Variants in SPG7 observed in about 807,000 individuals in gnomAD.
SPG7 encodes mitochondrial inner membrane m-AAA protease component paraplegin.
In SPG7, 103 loss-of-function variants were observed where a neutral mutation model predicts 81.9. The observed-to-expected ratio is 1.26, with a 90% CI of 1.07 to 1.48. SPG7 has a LOEUF of 1.48. Ranked by LOEUF, SPG7 falls within the 40% of genes most tolerant of loss-of-function variation. The probability of loss-of-function intolerance (pLI) is 0.00; values close to 1 mark genes in which losing one functional copy is unlikely to be tolerated. For synonymous variants in SPG7, 534 were observed against 444.2 expected, an observed-to-expected ratio of 1.20 and a Z score of -2.54; for missense variants, 1,241 against 1,087.3, an observed-to-expected ratio of 1.14 and a Z score of -1.99.
chr16:89,551,093 G>T (rs1236940879), intron 13 of SPG7: 3 of 228,756 alleles, frequency 1.3e-5, no homozygotes, highest in African/African-American at 6.7e-5. Flanking sequence ...AACTACTCTT[G>T]TAGGCAGCTG....
In SPG7 at chr16:89,530,786, G is replaced by A. The variant is rs571360149; in HGVS notation, c.965G>A (p.Arg322His). The A allele has an allele frequency of 1.5e-5, 24 of 1,614,150 alleles. No individual in the cohort carries two copies. The highest frequency in any genetic ancestry group is 1.9e-5 in the Non-Finnish European group (22 of 1,180,024). ...AGMHEAKLEVREFVDYLKSPE... is the reference protein window; with the variant it reads ...AGMHEAKLEVHEFVDYLKSPE... Reference sequence around the variant, plus strand: ...ATGCACGAAGCCAAACTGGAAGTCCGCGAGTTTGTGGATTATCTGAAGGTG... The same window carrying A: ...ATGCACGAAGCCAAACTGGAAGTCCACGAGTTTGTGGATTATCTGAAGGTG... The change falls in exon 7 of 17, where the codon CGC becomes CAC. Residue 322 changes from arginine (R) to histidine (H), a missense_variant. Coordinates refer to ENST00000645818, the MANE Select transcript of SPG7 (RefSeq NM_003119.4).
At chr16:89,531,032 T>G in intron 7 of SPG7, 1 of 639,354 alleles carries the variant, frequency 1.6e-6, no homozygotes, top group Non-Finnish European at 2.8e-6. Context: ...CCAAGACCCA[T>G]GCCTACTGTG....
intron 1 of SPG7, chr16:89,509,079 C>T (rs1431693198): frequency 2.4e-6 from 1 of 409,566 alleles, no homozygotes; most frequent in Non-Finnish European, 5.0e-6. Flanking sequence ...TGTAGCTCGG[C>T]ACGTTATTGA....
At chr16:89,552,844 T>G in intron 13 of SPG7, 135 bp from the exon 14 acceptor site, 7 of 798,390 alleles carry the variant, frequency 8.8e-6, no homozygotes, top group Non-Finnish European at 1.5e-5. Context: ...GATCCCCTGT[T>G]GTTGTAGAGG....
At chr16:89,527,698 T>C (rs961326821) in intron 5 of SPG7, among the ~76,000 whole-genome samples, 1 of 152,152 alleles carries the variant, frequency 6.6e-6, no homozygotes, top group Non-Finnish European at 1.5e-5. Flanking sequence ...GGTTCCTTAG[T>C]AGGACAAATG....
At chr16:89,544,303 A>G in intron 9 of SPG7, 1 of 329,254 alleles carries the variant, frequency 3.0e-6, no homozygotes, top group Non-Finnish European at 5.7e-6. Flanking sequence ...AGTCACAATA[A>G]TGATGACAGG....
intron 9 of SPG7, among the ~76,000 whole-genome samples, chr16:89,535,640 A>C (rs2058403875): frequency 6.6e-6 from 1 of 152,162 alleles, no homozygotes. Context: ...AGATTCTGTG[A>C]TGTCTGAGGT....
intron 1 of SPG7, among the ~76,000 whole-genome samples, chr16:89,509,216 C>A (rs899796482): frequency 6.6e-6 from 1 of 152,096 alleles, no homozygotes; most frequent in African/African-American, 2.4e-5. Context: ...TTTCTCCTAG[C>A]CCTCGCCTAG....
In SPG7 at chr16:89,557,138, G is replaced by A. The variant is rs746669945; in HGVS notation, c.*45G>A. Reference sequence around the variant, plus strand: ...CGTGCGGGTGGTCCGGGAAGTGAGGGCTCACTCAGCCACCCTGAGTTGCTT... The same window carrying A: ...CGTGCGGGTGGTCCGGGAAGTGAGGACTCACTCAGCCACCCTGAGTTGCTT... On this transcript the variant is annotated 3_prime_UTR_variant, in exon 17 of 17. Transcript: ENST00000645818. 2 of 1,485,580 alleles carry A rather than the reference G, an allele frequency of 1.3e-6. No individual in the cohort carries two copies. Among genetic ancestry groups the A allele is most frequent in the East Asian group, 4.5e-5 (2 of 44,006 alleles). 92.0% of individuals were successfully genotyped at this position (1,485,580 alleles called of 1,614,324 possible).
chr16:89,510,938 T>C (rs1399748040), intron 2 of SPG7, among the ~76,000 whole-genome samples: 2 of 152,180 alleles, frequency 1.3e-5, no homozygotes, highest in Non-Finnish European at 2.9e-5. Context: ...GCTGGAGTGA[T>C]CCTCCCACCT....
At chr16:89,526,542 C>T (rs546221243) in intron 5 of SPG7, 74 bp downstream of exon 5, 4 of 1,543,580 alleles carry the variant, frequency 2.6e-6, no homozygotes, top group Non-Finnish European at 3.6e-6. Context: ...AGATTGCAAT[C>T]AAAAATCTCA....
At chr16:89,541,872 A>G (rs908419624) in intron 9 of SPG7, 1 of 151,412 alleles carries the variant, frequency 6.6e-6, no homozygotes, top group African/African-American at 2.4e-5. Flanking sequence ...TCCTGAAACC[A>G]CATGTCCCTG....
At chr16:89,532,747 G>T in intron 9 of SPG7, 111 bp downstream of exon 9, 5 of 1,321,364 alleles carry the variant, frequency 3.8e-6, no homozygotes, top group Non-Finnish European at 5.3e-6. Context: ...TCCGGCCTGG[G>T]TGACAGAGTG....
At chr16:89,531,722 A>G (rs1253108295) in intron 7 of SPG7, 182 bp from the exon 8 acceptor site, 3 of 653,138 alleles carry the variant, frequency 4.6e-6, no homozygotes, top group African/African-American at 1.8e-5. Flanking sequence ...ATGCCTGTAT[A>G]TTCCCAGCTA....
At chr16:89,535,838 G>C (rs1336666272) in intron 9 of SPG7, among the ~76,000 whole-genome samples, 1 of 151,704 alleles carries the variant, frequency 6.6e-6, no homozygotes, top group South Asian at 2.1e-4. Flanking sequence ...GGTGCTGTGT[G>C]GCCTTCAGTG....
chr16:89,515,048 T>C (rs559931722), intron 3 of SPG7, among the ~76,000 whole-genome samples: 29 of 150,654 alleles, frequency 1.9e-4, no homozygotes, highest in Middle Eastern at 6.9e-3. Flanking sequence ...GCCATTCTCC[T>C]GCCTTAGCCT....
chr16:89,524,846 G>C (rs1025491529), intron 4 of SPG7, among the ~76,000 whole-genome samples: 1 of 152,136 alleles, frequency 6.6e-6, no homozygotes, highest in Non-Finnish European at 1.5e-5. Flanking sequence ...GTGGTCTGGG[G>C]TTGGTGTGGC....
chr16:89,537,170 C>G, intron 9 of SPG7: 5 of 1,453,794 alleles, frequency 3.4e-6, no homozygotes, highest in Non-Finnish European at 4.5e-6. Context: ...CATGGAAGCG[C>G]ACAGGATAGG....
Position 89,557,189 on chromosome 16 carries a change from C to T in SPG7, c.*96C>T, listed in dbSNP as rs866590844. On this transcript the variant is annotated 3_prime_UTR_variant, in exon 17 of 17. Coordinates refer to ENST00000645818, the MANE Select transcript of SPG7 (RefSeq NM_003119.4). ...TTCAGCTGAGGTTTGCACTTCCTCT[C>T]GCGGCCCTCAGTAGTCCCTGCACAG... 3 of 841,564 alleles carry T rather than the reference C, an allele frequency of 3.6e-6. No individual in the cohort carries two copies. The highest frequency in any genetic ancestry group is 5.9e-6 in the Non-Finnish European group (3 of 508,438). 52.1% of individuals were successfully genotyped at this position (841,564 alleles called of 1,614,324 possible). A position where few individuals can be genotyped will look rare whatever the true frequency, so the allele number is the denominator to read the frequency against.
Sources: gnomAD v4.1 joint callset for allele counts (sites outside exome capture counted in the v4.1 genomes callset) on GRCh38, gnomAD v4.1.1 for gene constraint, MANE v1.5 for transcripts, NCBI Gene and HGNC (gene_info 2026-07-23, HGNC 2026-07-21) for gene names.